Variants in MAGI1 observed in about 807,000 individuals in gnomAD.
MAGI1 encodes the protein membrane associated guanylate kinase, WW and PDZ domain containing 1.
MAGI1 carries 58 observed loss-of-function variants against 139.9 expected under a neutral mutation model. The observed-to-expected ratio is 0.41, with a 90% CI of 0.34 to 0.52. The LOEUF (loss-of-function observed/expected upper bound fraction) is 0.52. Ranked by LOEUF, MAGI1 falls within the 20% of genes least tolerant of loss-of-function variation. MAGI1 has a pLI of 0.12. For synonymous variants in MAGI1, 812 were observed against 737.9 expected, an observed-to-expected ratio of 1.10 and a Z score of -1.63; for missense variants, 1,874 against 1,901.6, an observed-to-expected ratio of 0.99 and a Z score of 0.27.
intron 12 of MAGI1, among the ~76,000 whole-genome samples, chr3:65,416,279 A>T (rs550598331): frequency 1.3e-5 from 2 of 152,354 alleles, no homozygotes; most frequent in Non-Finnish European, 2.9e-5. Flanking sequence ...AGCCAATGCT[A>T]GGGAAAGAAA....
At chr3:65,891,921 T>C (rs1446397184) in intron 1 of MAGI1, among the ~76,000 whole-genome samples, 4 of 103,576 alleles carry the variant, frequency 3.9e-5, no homozygotes, top group African/African-American at 1.5e-4. Flanking sequence ...TATATATATA[T>C]ATATATATAT....
At chr3:65,862,281 A>G (rs1360638564) in intron 1 of MAGI1, among the ~76,000 whole-genome samples, 4 of 152,190 alleles carry the variant, frequency 2.6e-5, no homozygotes, top group African/African-American at 9.7e-5. Flanking sequence ...AAAATGGGGA[A>G]AGAGCAGTAC....
At chr3:65,985,389 T>A (rs1271383684) in intron 1 of MAGI1, among the ~76,000 whole-genome samples, 1 of 152,196 alleles carries the variant, frequency 6.6e-6, no homozygotes, top group African/African-American at 2.4e-5. Flanking sequence ...TATGCAGAAA[T>A]GTTCTCAATG....
chr3:65,988,799 T>C (rs1247076366), intron 1 of MAGI1, among the ~76,000 whole-genome samples: 1 of 152,188 alleles, frequency 6.6e-6, no homozygotes, highest in Non-Finnish European at 1.5e-5. Context: ...ATGAAATATT[T>C]TGTCCTCAAA....
At chr3:65,926,604 T>C (rs2062534494) in intron 1 of MAGI1, among the ~76,000 whole-genome samples, 1 of 152,124 alleles carries the variant, frequency 6.6e-6, no homozygotes, top group East Asian at 1.9e-4. Context: ...AAAACCAAGA[T>C]GGTGATGAGA....
chr3:66,019,400 T>C (rs1178354231), intron 1 of MAGI1, among the ~76,000 whole-genome samples: 1 of 152,164 alleles, frequency 6.6e-6, no homozygotes, highest in Non-Finnish European at 1.5e-5. Context: ...AAAACTGTCT[T>C]CAGACATTGC....
intron 13 of MAGI1, 57 bp downstream of exon 13, chr3:65,401,382 A>AACC: frequency 4.9e-6 from 2 of 404,308 alleles, no homozygotes; most frequent in Non-Finnish European, 4.3e-6. Context: ...TCCCACCTCC[A>AACC]GCCCCCCACC....
chr3:65,800,155 A>C (rs918747938), intron 1 of MAGI1, among the ~76,000 whole-genome samples: 1 of 152,180 alleles, frequency 6.6e-6, no homozygotes, highest in African/African-American at 2.4e-5. Context: ...TCTAGTGGCG[A>C]ACAGGTGACT....
chr3:65,622,275 A>C (rs766585419), intron 1 of MAGI1, among the ~76,000 whole-genome samples, 187 bp from the exon 2 acceptor site: 1 of 152,170 alleles, frequency 6.6e-6, no homozygotes, highest in African/African-American at 2.4e-5. Flanking sequence ...ATAAAGATAA[A>C]ACAGCACTGG....
At position 66,000,360 on chromosome 3, in the gene MAGI1, C is replaced by G. The variant is rs1017269506; in HGVS notation, c.313+37636G>C. 3.3e-5 allele frequency among the ~76,000 whole-genome samples: 5 copies of G among 152,046 alleles called. No homozygotes were observed. The South Asian group carries it at 6.2e-4, about 19-fold the overall frequency. On this transcript the variant is annotated intron_variant, in intron 1 of 22. Transcript: ENST00000402939. ...CTCCAATTGGGCTCAAGAAACCAGG[C>G]TGGGAGGTGATGTTCTGTTTTAATC...
rs140985967 is a variant in MAGI1 at position 65,395,022 on chromosome 3, G to T, written c.2200-3664C>A. Among the ~76,000 whole-genome samples, 33 of 152,188 alleles carry T rather than the reference G, an allele frequency of 2.2e-4. 1 individual carries two copies. The highest frequency in any genetic ancestry group is 7.7e-4 in the African/African-American group (32 of 41,520). On this transcript the variant is annotated intron_variant, in intron 13 of 22. Coordinates refer to ENST00000402939, the MANE Select transcript of MAGI1 (RefSeq NM_001033057.2). The stretch of plus-strand genomic sequence containing the variant: ...AAACCCTGTGCATACTAAGAACATG[G>T]AAAAATGGAAAAACCTAGTACACAA...
Position 66,037,436 on chromosome 3 carries a change from C to T in MAGI1, c.313+560G>A, listed in dbSNP as rs1576548768. On this transcript the variant is annotated intron_variant, in intron 1 of 22. Coordinates refer to ENST00000402939, the MANE Select transcript of MAGI1 (RefSeq NM_001033057.2). ...ACACGGTGGAGACACATGCGTCATCCGGCTGAGGGGTGAATGCAGGCTCTT... is the reference window on the plus strand; with the variant it reads ...ACACGGTGGAGACACATGCGTCATCTGGCTGAGGGGTGAATGCAGGCTCTT... 2.0e-5 allele frequency among the ~76,000 whole-genome samples: 3 copies of T among 152,228 alleles called. No homozygotes were observed. The East Asian group carries it at 5.8e-4, about 29-fold the overall frequency.
rs35660201 is a variant in MAGI1 at position 65,731,558 on chromosome 3, G to A, written c.314-109470C>T. On this transcript the variant is annotated intron_variant, in intron 1 of 22. Coordinates refer to ENST00000402939, the MANE Select transcript of MAGI1 (RefSeq NM_001033057.2). ...TAGTCCCAGCTACTGGGGCGGCTGA[G>A]GTGGGAGATTCACTTGAGCCTGGGA... Among the ~76,000 whole-genome samples, 528 of 151,626 alleles carry A rather than the reference G, an allele frequency of 3.5e-3. 4 individuals carry two copies. Among genetic ancestry groups the A allele is most frequent in the South Asian group, 0.01 (50 of 4,780 alleles).
At chr3:65,577,954 A>G (rs1298774266) in intron 2 of MAGI1, among the ~76,000 whole-genome samples, 1 of 151,636 alleles carries the variant, frequency 6.6e-6, no homozygotes, top group Non-Finnish European at 1.5e-5. Context: ...TCTCTCTCAC[A>G]CACTCTCACA....
At chr3:65,629,203 G>C (rs1198099857) in intron 1 of MAGI1, among the ~76,000 whole-genome samples, 2 of 152,084 alleles carry the variant, frequency 1.3e-5, no homozygotes, top group Admixed American at 1.3e-4. Context: ...TCAGTAGAAA[G>C]AATCTTTGTG....
At chr3:65,856,487 A>T (rs1394447020) in intron 1 of MAGI1, among the ~76,000 whole-genome samples, 1 of 152,166 alleles carries the variant, frequency 6.6e-6, no homozygotes, top group African/African-American at 2.4e-5. Flanking sequence ...TATCTGATCC[A>T]ATTTGACCCA....
chr3:65,592,336 T>C (rs1229758710), intron 2 of MAGI1, among the ~76,000 whole-genome samples: 1 of 152,142 alleles, frequency 6.6e-6, no homozygotes, highest in Non-Finnish European at 1.5e-5. Context: ...TGTAACTGAA[T>C]ACAAAGTGTG....
At chr3:65,449,061 A>T (rs1948854037) in intron 6 of MAGI1, among the ~76,000 whole-genome samples, 1 of 142,232 alleles carries the variant, frequency 7.0e-6, no homozygotes, top group Non-Finnish European at 1.5e-5. Context: ...TGAACCAATC[A>T]ATCAATGATT....
chr3:65,728,224 T>C (rs749315320), intron 1 of MAGI1, among the ~76,000 whole-genome samples: 18 of 152,014 alleles, frequency 1.2e-4, no homozygotes, highest in Non-Finnish European at 2.5e-4. Flanking sequence ...ATGAGGCAAA[T>C]GACAGGAGCA....
Sources: gnomAD v4.1 joint callset for allele counts (sites outside exome capture counted in the v4.1 genomes callset) on GRCh38, gnomAD v4.1.1 for gene constraint, MANE v1.5 for transcripts, NCBI Gene and HGNC (gene_info 2026-07-23, HGNC 2026-07-21) for gene names.